Variants in USP49 observed in about 807,000 individuals in gnomAD.
The protein encoded by USP49 is ubiquitin specific peptidase 49.
USP49 carries 24 observed loss-of-function variants against 58.6 expected under a neutral mutation model. That is an observed-to-expected ratio of 0.41 (90% confidence interval 0.30 to 0.58). USP49 has a LOEUF of 0.58. Ranked by LOEUF, USP49 falls within the 20% of genes least tolerant of loss-of-function variation. The probability of loss-of-function intolerance (pLI) is 0.30; values close to 1 mark genes in which losing one functional copy is unlikely to be tolerated. For synonymous variants in USP49, 408 were observed against 365.1 expected, an observed-to-expected ratio of 1.12 and a Z score of -1.34; for missense variants, 703 against 866.1, an observed-to-expected ratio of 0.81 and a Z score of 2.36.
At chr6:41,878,581 C>A (rs904185661) in intron 2 of USP49, among the ~76,000 whole-genome samples, 1 of 152,180 alleles carries the variant, frequency 6.6e-6, no homozygotes, top group African/African-American at 2.4e-5. Flanking sequence ...TAAATCTAAT[C>A]CTGCTTCTTA....
At chr6:41,869,343 G>C (rs1774375835) in intron 3 of USP49, among the ~76,000 whole-genome samples, 1 of 151,938 alleles carries the variant, frequency 6.6e-6, no homozygotes, top group Admixed American at 6.6e-5. Flanking sequence ...GGCCAGCTGG[G>C]TAGCACGGCA....
At chr6:41,812,951 AATTC>A (rs969017293) in intron 3 of USP49, among the ~76,000 whole-genome samples, 14 of 152,182 alleles carry the variant, frequency 9.2e-5, no homozygotes, top group African/African-American at 3.4e-4. Context: ...ACAGATAGAG[AATTC>A]ATTATTATTA....
intron 3 of USP49, among the ~76,000 whole-genome samples, chr6:41,835,189 TTAA>T: frequency 6.6e-6 from 1 of 152,328 alleles, no homozygotes; most frequent in Admixed American, 6.5e-5. Flanking sequence ...GGGAAAAGAC[TTAA>T]TAATGACTTT....
intron 2 of USP49, among the ~76,000 whole-genome samples, chr6:41,888,615 G>T (rs1390354405): frequency 6.6e-6 from 1 of 151,768 alleles, no homozygotes; most frequent in Non-Finnish European, 1.5e-5. Flanking sequence ...CACCACACCT[G>T]TCTAATTTTG....
In USP49 at chr6:41,809,555, G is replaced by A. The variant is rs921606711; in HGVS notation, c.-28-2544C>T. Among the ~76,000 whole-genome samples the A allele has an allele frequency of 5.3e-5, 8 of 150,742 alleles. No individual in the cohort carries two copies. The East Asian group carries it at 1.4e-3, about 26-fold the overall frequency. ...GAAAATAATAAAATAGGCCGGGTAC[G>A]GTGGCTCACACCTGTAATCCTAGCA... On this transcript the variant is annotated intron_variant, in intron 3 of 7. Coordinates refer to ENST00000682992, the MANE Select transcript of USP49 (RefSeq NM_001286554.2).
rs1773052232 is a variant in USP49, at chr6:41,803,302, T to C, written c.1561+504A>G. On this transcript the variant is annotated intron_variant, in intron 5 of 7. Coordinates refer to ENST00000682992, the MANE Select transcript of USP49 (RefSeq NM_001286554.2). The surrounding 1 kb of genome is among the most constrained non-coding windows in gnomAD (Gnocchi z 4.1). ...ACTCCTAGGTCTTTGTTTCATTTGT[T>C]GTTGTTGTTGTTGTTGTTTGAAACG... Among the ~76,000 whole-genome samples the C allele has an allele frequency of 6.6e-6, 1 of 151,892 alleles. No homozygotes were observed. Among genetic ancestry groups the C allele is most frequent in the Non-Finnish European group, 1.5e-5 (1 of 67,938 alleles).
chr6:41,823,926 TCCATA>T (rs1163346243), intron 3 of USP49, among the ~76,000 whole-genome samples: 1 of 152,124 alleles, frequency 6.6e-6, no homozygotes, highest in Non-Finnish European at 1.5e-5. Context: ...GCACTCCTCC[TCCATA>T]CCATTCTAAA....
At chr6:41,873,342 C>T (rs1469706850) in intron 2 of USP49, among the ~76,000 whole-genome samples, 5 of 152,176 alleles carry the variant, frequency 3.3e-5, no homozygotes, top group African/African-American at 1.2e-4. Flanking sequence ...TTCTGAAAAT[C>T]AGAGGGAGCC....
intron 4 of USP49, among the ~76,000 whole-genome samples, chr6:41,805,117 T>C (rs575022156): frequency 1.3e-5 from 2 of 152,338 alleles, no homozygotes; most frequent in East Asian, 3.9e-4. Flanking sequence ...TAAGCATTTT[T>C]GCTTAGGTTA....
At chr6:41,866,815 T>G (rs1412228064) in intron 3 of USP49, among the ~76,000 whole-genome samples, 1 of 152,204 alleles carries the variant, frequency 6.6e-6, no homozygotes, top group African/African-American at 2.4e-5. Context: ...AATTCTAGAA[T>G]TGTTATGAAA....
chr6:41,837,738 T>G (rs1773752542), intron 3 of USP49, among the ~76,000 whole-genome samples: 1 of 152,156 alleles, frequency 6.6e-6, no homozygotes, highest in Non-Finnish European at 1.5e-5. Context: ...CCAGAAGCTA[T>G]AAGGAACTTA....
chr6:41,805,744 C>CCTG lies in USP49; in HGVS notation c.1237_1239dup (p.Gln413dup), dbSNP rs1342051327. ...CGTGTGGTGCCCTCAGACTCGAGTTCCTGCTGCACCTTGTGCAGCAGCTCG... is the reference window on the plus strand; with the variant it reads ...CGTGTGGTGCCCTCAGACTCGAGTTCCTGCTGCTGCACCTTGTGCAGCAGCTCG... On this transcript the variant is annotated inframe_insertion, in exon 4 of 8. Transcript: ENST00000682992. 3 of 1,614,116 alleles carry CCTG rather than the reference C, an allele frequency of 1.9e-6. No homozygotes were observed. Among genetic ancestry groups the CCTG allele is most frequent in the Non-Finnish European group, 2.5e-6 (3 of 1,180,020 alleles).
intron 3 of USP49, among the ~76,000 whole-genome samples, chr6:41,810,268 GT>G (rs1208913878): frequency 6.6e-6 from 1 of 151,734 alleles, no homozygotes; most frequent in Non-Finnish European, 1.5e-5. Flanking sequence ...ATCACCTGAG[GT>G]CAGGAGTTCG....
At chr6:41,826,242 G>C (rs984953480) in intron 3 of USP49, among the ~76,000 whole-genome samples, 1 of 152,110 alleles carries the variant, frequency 6.6e-6, no homozygotes, top group African/African-American at 2.4e-5. Context: ...ACTCCAGCCT[G>C]GGTGACAGAG....
At chr6:41,884,983 A>T (rs1031381162) in intron 2 of USP49, among the ~76,000 whole-genome samples, 1 of 152,254 alleles carries the variant, frequency 6.6e-6, no homozygotes, top group African/African-American at 2.4e-5. Flanking sequence ...CATAAATTAG[A>T]CAGCCACATC....
intron 3 of USP49, among the ~76,000 whole-genome samples, chr6:41,811,126 T>C (rs1021223985): frequency 1.4e-4 from 22 of 152,130 alleles, no homozygotes; most frequent in African/African-American, 5.3e-4. Flanking sequence ...GGCAGAGGCA[T>C]GTCTTTATAT....
intron 3 of USP49, among the ~76,000 whole-genome samples, chr6:41,831,175 A>C (rs1773626866): frequency 6.6e-6 from 1 of 152,094 alleles, no homozygotes; most frequent in South Asian, 2.1e-4. Context: ...GCAGATCACG[A>C]AGTCAGGAGT....
At chr6:41,802,663 C>G (rs1773041882) in intron 5 of USP49, among the ~76,000 whole-genome samples, 1 of 151,336 alleles carries the variant, frequency 6.6e-6, no homozygotes, top group Non-Finnish European at 1.5e-5. Flanking sequence ...TTCTAGGTCT[C>G]TGCACAGTCC....
At position 41,792,328 on chromosome 6, in the gene USP49, C is replaced by T. The variant is rs1438620863; in HGVS notation, c.*4205G>A. The T allele has an allele frequency of 6.6e-6, 1 of 152,210 alleles. No homozygotes were observed. The highest frequency in any genetic ancestry group is 1.5e-5 in the Non-Finnish European group (1 of 68,058). 9.4% of individuals were successfully genotyped at this position (152,210 alleles called of 1,614,324 possible). On this transcript the variant is annotated 3_prime_UTR_variant, in exon 8 of 8. Coordinates refer to ENST00000682992, the MANE Select transcript of USP49 (RefSeq NM_001286554.2). The stretch of plus-strand genomic sequence containing the variant: ...CATTTTTTGCAAAAGAACATCAGAA[C>T]CAATGAAGGTACCATTTCAGGAGGA...
Sources: allele counts gnomAD v4.1 joint callset (sites outside exome capture counted in the v4.1 genomes callset), GRCh38; gene constraint gnomAD v4.1.1; non-coding constraint Gnocchi (gnomAD v3.1); transcripts MANE v1.5; gene names NCBI Gene and HGNC (gene_info 2026-07-23, HGNC 2026-07-21).